SLC5A12: variants seen among roughly 807,000 people sequenced by gnomAD.
SLC5A12 encodes sodium-coupled monocarboxylate transporter 2.
Under a neutral mutation model 72.7 loss-of-function variants are expected in SLC5A12, and 46 were observed. The ratio of observed to expected loss-of-function variants is 0.63; its 90% CI spans 0.50 to 0.81. The LOEUF is 0.81. Among genes scored for constraint, SLC5A12 ranks in the 30% least tolerant of loss-of-function variants. SLC5A12 has a pLI of 0.00. For missense variants in SLC5A12, 683 were observed against 740.7 expected (o/e 0.92, Z 0.90); for synonymous variants, 275 against 264.4 (o/e 1.04, Z -0.39).
rs1225127705 is a variant in SLC5A12 at position 26,669,030 on chromosome 11, T to C, written c.*2072A>G. ...AGTGGAAGTTCACAATCCTGATGTA[T>C]TCCAAATCATATTTACATATATATG... On this transcript the variant is annotated 3_prime_UTR_variant, in exon 15 of 15. Coordinates refer to ENST00000396005, the MANE Select transcript of SLC5A12 (RefSeq NM_178498.4). The C allele has an allele frequency of 6.7e-6, 1 of 149,824 alleles. No individual in the cohort carries two copies. The highest frequency in any genetic ancestry group is 1.5e-5 in the Non-Finnish European group (1 of 67,264). 9.3% of individuals were successfully genotyped at this position (149,824 alleles called of 1,614,324 possible).
intron 1 of SLC5A12, among the ~76,000 whole-genome samples, chr11:26,720,366 T>C (rs1238386091): frequency 6.6e-6 from 1 of 151,628 alleles, no homozygotes; most frequent in Non-Finnish European, 1.5e-5. Flanking sequence ...AATAAATACA[T>C]GGAAAAAAAG....
intron 8 of SLC5A12, among the ~76,000 whole-genome samples, chr11:26,694,556 A>T (rs1854763367): frequency 1.3e-5 from 2 of 152,168 alleles, no homozygotes; most frequent in Admixed American, 6.5e-5. Context: ...ACACCATAGG[A>T]CAGTGTCACT....
At chr11:26,680,984 G>A (rs1854398342) in intron 12 of SLC5A12, 71 bp downstream of exon 12, 1 of 1,337,354 alleles carries the variant, frequency 7.5e-7, no homozygotes, top group Non-Finnish European at 1.0e-6. Flanking sequence ...ACTTATCTCT[G>A]AAGAGTGCAC....
intron 4 of SLC5A12, 111 bp from the exon 5 acceptor site, chr11:26,704,058 G>T: frequency 1.7e-6 from 2 of 1,155,402 alleles, no homozygotes; most frequent in South Asian, 1.5e-5. Context: ...TTCAGCATCA[G>T]CCACTGAGGA....
intron 4 of SLC5A12, among the ~76,000 whole-genome samples, chr11:26,708,302 TA>T (rs1407483928): frequency 1.3e-5 from 2 of 151,844 alleles, no homozygotes; most frequent in Non-Finnish European, 2.9e-5. Flanking sequence ...AGGTCAGAGG[TA>T]AGAGGAGCAA....
intron 1 of SLC5A12, chr11:26,716,384 C>T (rs1175937388): frequency 6.6e-6 from 1 of 152,182 alleles, no homozygotes; most frequent in Non-Finnish European, 1.5e-5. Flanking sequence ...ACTGCAACTG[C>T]ATAATTCTAT....
intron 3 of SLC5A12, among the ~76,000 whole-genome samples, chr11:26,710,983 T>C (rs1356155557): frequency 6.6e-6 from 1 of 152,070 alleles, no homozygotes; most frequent in Non-Finnish European, 1.5e-5. Flanking sequence ...CCCTGTATTA[T>C]AGATGACCAT....
Position 26,721,518 on chromosome 11 carries a change from G to A in SLC5A12, c.197C>T (p.Thr66Met), listed in dbSNP as rs756737576. 1.5e-5 allele frequency: 24 copies of A among 1,614,008 alleles called. No homozygotes were observed. The highest frequency in any genetic ancestry group is 2.2e-5 in the South Asian group (2 of 91,084). The change falls in exon 1 of 15, where the codon ACG becomes ATG. Residue 66 changes from threonine to methionine, a missense_variant. Physicochemically the swap from Thr to Met is moderately conservative, Grantham distance 81 (BLOSUM62 -1). Transcript: ENST00000396005. ...SLTASFMSAV[T>M]VLGTPSEVYR... is the part of the protein sequence containing the mutation. ...GACTTCAGAAGGGGTCCCCAGGACC[G>A]TGACAGCTGACATGAAGCTGGCTGT... is the stretch of plus-strand genomic sequence containing the variant.
intron 9 of SLC5A12, among the ~76,000 whole-genome samples, chr11:26,686,779 C>T (rs773980329): frequency 2.6e-5 from 4 of 152,160 alleles, no homozygotes; most frequent in Non-Finnish European, 5.9e-5. Context: ...AACTGCTATC[C>T]AGCCTCAAGG....
chr11:26,719,376 C>A (rs868236078), intron 1 of SLC5A12, among the ~76,000 whole-genome samples: 16 of 152,152 alleles, frequency 1.1e-4, no homozygotes, highest in African/African-American at 3.9e-4. Context: ...CACTGAAAGA[C>A]ATCTGATGTC....
At chr11:26,705,482 T>C (rs930062757) in intron 4 of SLC5A12, among the ~76,000 whole-genome samples, 6 of 152,142 alleles carry the variant, frequency 3.9e-5, no homozygotes, top group Non-Finnish European at 1.5e-5. Context: ...ATGACAGGCT[T>C]CATCTTCATC....
chr11:26,694,073 C>T (rs116545441), intron 8 of SLC5A12, among the ~76,000 whole-genome samples: 1,600 of 152,154 alleles, frequency 0.011, 35 homozygotes, highest in African/African-American at 0.037. Context: ...TTGAATTTGG[C>T]CCAGAAGGGT....
chr11:26,691,944 CACA>C (rs1240913847), intron 9 of SLC5A12: 1 of 152,132 alleles, frequency 6.6e-6, no homozygotes, highest in Non-Finnish European at 1.5e-5. Context: ...CCATAGTAAG[CACA>C]ACATCTTCCC....
chr11:26,671,737 A>C (rs922774999), intron 14 of SLC5A12, among the ~76,000 whole-genome samples: 1 of 152,084 alleles, frequency 6.6e-6, no homozygotes, highest in African/African-American at 2.4e-5. Context: ...CTTTCAACTT[A>C]TCCTTGAGAA....
chr11:26,708,534 T>C (rs1855144441), intron 4 of SLC5A12, among the ~76,000 whole-genome samples: 1 of 152,094 alleles, frequency 6.6e-6, no homozygotes, highest in Non-Finnish European at 1.5e-5. Flanking sequence ...ATGAATCATC[T>C]GCTATATGAA....
At chr11:26,679,015 G>A (rs887553155) in intron 12 of SLC5A12, among the ~76,000 whole-genome samples, 200 bp from the exon 13 acceptor site, 2 of 152,138 alleles carry the variant, frequency 1.3e-5, no homozygotes, top group Non-Finnish European at 2.9e-5. Context: ...CAAATATAAC[G>A]ATGTTGATAC....
chr11:26,687,263 A>G (rs979706343), intron 9 of SLC5A12, among the ~76,000 whole-genome samples: 6 of 152,352 alleles, frequency 3.9e-5, no homozygotes, highest in Non-Finnish European at 8.8e-5. Flanking sequence ...TTGTTTAAAA[A>G]TAATCTCAAA....
upstream of SLC5A12, among the ~76,000 whole-genome samples, chr11:26,723,045 T>C (rs1855509644): frequency 2.0e-5 from 3 of 151,882 alleles, 1 homozygote; most frequent in Admixed American, 2.0e-4. Flanking sequence ...TGACATTTCC[T>C]TGAAGACAGA....
At chr11:26,716,671 A>C (rs2133222281) in intron 1 of SLC5A12, among the ~76,000 whole-genome samples, 1 of 152,220 alleles carries the variant, frequency 6.6e-6, no homozygotes, top group South Asian at 2.1e-4. Context: ...AATAACATAG[A>C]GCCAGCCTTT....
Sources: gnomAD v4.1 joint callset for allele counts (sites outside exome capture counted in the v4.1 genomes callset) on GRCh38, gnomAD v4.1.1 for gene constraint, MANE v1.5 for transcripts, NCBI Gene and HGNC (gene_info 2026-07-23, HGNC 2026-07-21) for gene names.